Variants in ACSL3 observed in about 807,000 individuals in gnomAD.
ACSL3 encodes the protein fatty acid CoA ligase Acsl3.
In ACSL3, 34 loss-of-function variants were observed where a neutral mutation model predicts 84.7. The observed-to-expected ratio is 0.40, with a 90% confidence interval of 0.31 to 0.53. The LOEUF (loss-of-function observed/expected upper bound fraction) is 0.53. ACSL3 is among the 20% of genes least tolerant of loss of function. ACSL3 has a pLI of 0.48. For synonymous variants in ACSL3, 315 were observed against 299.4 expected, an observed-to-expected ratio of 1.05 and a Z score of -0.54; for missense variants, 680 against 873.1, an observed-to-expected ratio of 0.78 and a Z score of 2.79.
At chr2:222,862,332 T>G (rs1695036199) in intron 1 of ACSL3, among the ~76,000 whole-genome samples, 1 of 152,224 alleles carries the variant, frequency 6.6e-6, no homozygotes, top group Admixed American at 6.5e-5. Context: ...CAGACAGGCC[T>G]GTGTAAATCC....
intron 11 of ACSL3, among the ~76,000 whole-genome samples, chr2:222,924,847 C>T (rs1375617797): frequency 6.6e-6 from 1 of 151,716 alleles, no homozygotes; most frequent in Non-Finnish European, 1.5e-5. Flanking sequence ...CACAGTGAAA[C>T]CCCGTCTCTA....
At chr2:222,936,547 C>T (rs1440157619) in intron 16 of ACSL3, among the ~76,000 whole-genome samples, 1 of 151,944 alleles carries the variant, frequency 6.6e-6, no homozygotes, top group Non-Finnish European at 1.5e-5. Flanking sequence ...ATTTACATAT[C>T]TTCTGCAGAA....
chr2:222,911,862 G>A (rs1696448285), intron 4 of ACSL3, among the ~76,000 whole-genome samples: 1 of 152,212 alleles, frequency 6.6e-6, no homozygotes, highest in East Asian at 1.9e-4. Flanking sequence ...ATTCAACAAA[G>A]TATGAAGTAT....
chr2:222,913,067 C>G (rs1696487319), intron 4 of ACSL3, among the ~76,000 whole-genome samples: 1 of 152,270 alleles, frequency 6.6e-6, no homozygotes, highest in Non-Finnish European at 1.5e-5. Flanking sequence ...AGAGTACAAG[C>G]TGGCTCATAT....
chr2:222,898,751 CG>C, intron 2 of ACSL3, among the ~76,000 whole-genome samples: 1 of 152,084 alleles, frequency 6.6e-6, no homozygotes, highest in South Asian at 2.1e-4. Flanking sequence ...GGCGTGAACC[CG>C]GGAGGCGGAG....
intron 1 of ACSL3, among the ~76,000 whole-genome samples, chr2:222,886,867 C>A (rs1009701321): frequency 2.6e-5 from 4 of 152,146 alleles, no homozygotes; most frequent in Non-Finnish European, 5.9e-5. Flanking sequence ...TTATCAACAT[C>A]CCCCTACCTC....
intron 12 of ACSL3, among the ~76,000 whole-genome samples, chr2:222,927,713 A>G (rs1254518515): frequency 6.6e-6 from 1 of 152,192 alleles, no homozygotes; most frequent in Non-Finnish European, 1.5e-5. Context: ...TCTGAGATGA[A>G]TCGCATAGGG....
rs765847576 is a variant in ACSL3 at position 222,916,332 on chromosome 2, A to G, written c.392A>G (p.Gln131Arg). The stretch of plus-strand genomic sequence containing the variant: ...TTGTTTTATCAGGTTATTCTTGGAC[A>G]GTATAATTGGCTTTCCTATGAAGAT... ...GKIFKKVILG[Q>R]YNWLSYEDVF... The change falls in exon 5 of 17, where the codon CAG becomes CGG. Residue 131 changes from glutamine to arginine, a missense_variant. By Grantham distance (43) the Gln-to-Arg change is conservative (BLOSUM62 1). Around this residue, in one of 2 missense-constraint regions of ACSL3, gnomAD observed 333 missense variants for 347.5 expected, o/e 0.96. Transcript: ENST00000357430. 44 of 1,605,542 alleles carry G rather than the reference A, an allele frequency of 2.7e-5. 1 individual carries two copies. Among genetic ancestry groups the G allele is most frequent in the Non-Finnish European group, 2.0e-5 (24 of 1,176,278 alleles).
In ACSL3 at chr2:222,919,111, T is replaced by C. The variant is rs1574555025; in HGVS notation, c.714T>C (p.Asp238=). Reference sequence around the variant, plus strand: ...GCCTGCGGCACATCATCACTGTTGATGGAAAGCCACCGACCTGGTCCGAGT... The same window carrying C: ...GCCTGCGGCACATCATCACTGTTGACGGAAAGCCACCGACCTGGTCCGAGT... ...VPRLRHIITV[D]GKPPTWSEFP... is the part of the protein sequence containing the mutation. The change falls in exon 7 of 17, where the codon GAT becomes GAC. Residue 238 remains aspartate, a synonymous_variant. Coordinates refer to ENST00000357430, the MANE Select transcript of ACSL3 (RefSeq NM_004457.5). The C allele has an allele frequency of 6.2e-7, 1 of 1,614,184 alleles. No individual in the cohort carries two copies.
At chr2:222,880,527 TA>T (rs1287945985) in intron 1 of ACSL3, among the ~76,000 whole-genome samples, 2 of 152,024 alleles carry the variant, frequency 1.3e-5, no homozygotes, top group Non-Finnish European at 2.9e-5. Context: ...TAATAATATA[TA>T]AAAAAACTGT....
At chr2:222,936,326 A>AG (rs1234094512) in intron 16 of ACSL3, among the ~76,000 whole-genome samples, 1 of 152,162 alleles carries the variant, frequency 6.6e-6, no homozygotes, top group East Asian at 1.9e-4. Context: ...TAATTTTTTC[A>AG]GGAAACTCCA....
intron 1 of ACSL3, among the ~76,000 whole-genome samples, chr2:222,878,804 A>G (rs549887347): frequency 3.3e-5 from 5 of 152,278 alleles, no homozygotes; most frequent in African/African-American, 1.2e-4. Flanking sequence ...CTGGAAATGT[A>G]GACTTTAATT....
At chr2:222,880,886 G>A (rs962374616) in intron 1 of ACSL3, among the ~76,000 whole-genome samples, 8 of 150,554 alleles carry the variant, frequency 5.3e-5, no homozygotes, top group African/African-American at 1.5e-4. Context: ...ACTTGGTATC[G>A]AAGTATTTTT....
intron 1 of ACSL3, among the ~76,000 whole-genome samples, chr2:222,879,895 CCTT>C (rs1695547197): frequency 6.6e-6 from 1 of 151,460 alleles, no homozygotes; most frequent in Non-Finnish European, 1.5e-5. Context: ...CAATAATAAA[CCTT>C]TTTTTTTTTT....
chr2:222,923,099 A>G lies in ACSL3; in HGVS notation c.1102A>G (p.Ser368Gly). 5.6e-6 allele frequency: 9 copies of G among 1,613,904 alleles called. No individual in the cohort carries two copies. The highest frequency in any genetic ancestry group is 7.6e-6 in the Non-Finnish European group (9 of 1,179,830). ...GTAGTCTTCAAAAATTAAAAAAGGAAGCAAAGGGGATACATCCATGTTGAA... is the reference window on the plus strand; with the variant it reads ...GTAGTCTTCAAAAATTAAAAAAGGAGGCAAAGGGGATACATCCATGTTGAA... ...ADQSSKIKKG[S>G]KGDTSMLKPT... Residue 368 changes from serine (S) to glycine (G), a missense_variant, in exon 10 of 17, where the codon AGC (serine) becomes GGC (glycine). Physicochemically the swap from Ser to Gly is moderately conservative, Grantham distance 56. This residue lies in a region of ACSL3 where 347 missense variants were observed against 525.7 expected (regional missense o/e 0.66). Coordinates refer to ENST00000357430, the MANE Select transcript of ACSL3 (RefSeq NM_004457.5).
At position 222,918,170 on chromosome 2, in the gene ACSL3, T is replaced by C. The variant is rs753727627; in HGVS notation, c.666+15T>C. 3.2e-6 allele frequency: 5 copies of C among 1,545,074 alleles called. No individual in the cohort carries two copies. The African/African-American group carries it at 4.1e-5, about 13-fold the overall frequency. ...CAAAGTTGAAGGTGAGGACTCTAGTTACTTTCTAACTGTCTGATACTTTAG... is the reference window on the plus strand; with the variant it reads ...CAAAGTTGAAGGTGAGGACTCTAGTCACTTTCTAACTGTCTGATACTTTAG... On this transcript the variant is annotated intron_variant, in intron 6 of 16. Coordinates refer to ENST00000357430, the MANE Select transcript of ACSL3 (RefSeq NM_004457.5).
intron 1 of ACSL3, among the ~76,000 whole-genome samples, chr2:222,881,198 A>C (rs1695584523): frequency 6.6e-6 from 1 of 152,240 alleles, no homozygotes; most frequent in South Asian, 2.1e-4. Context: ...TTATTAATTA[A>C]CTATTTTATG....
chr2:222,913,296 A>G (rs1696491924), intron 4 of ACSL3, among the ~76,000 whole-genome samples: 1 of 152,090 alleles, frequency 6.6e-6, no homozygotes, highest in African/African-American at 2.4e-5. Context: ...GTTATTTCTT[A>G]GTCACATTTT....
chr2:222,880,368 A>T (rs545122046), intron 1 of ACSL3, among the ~76,000 whole-genome samples: 1 of 152,056 alleles, frequency 6.6e-6, no homozygotes, highest in Non-Finnish European at 1.5e-5. Context: ...GTCTTTTCAT[A>T]TATTCAGGGT....
Sources: allele counts gnomAD v4.1 joint callset (sites outside exome capture counted in the v4.1 genomes callset), GRCh38; gene constraint gnomAD v4.1.1; regional missense constraint gnomAD v4.1.1; transcripts MANE v1.5; gene names NCBI Gene and HGNC (gene_info 2026-07-23, HGNC 2026-07-21).